The following ASTN1 variants were observed in gnomAD, a reference collection of about 807,000 sequenced individuals.
ASTN1 encodes astrotactin-1.
ASTN1 carries 41 observed loss-of-function variants against 140.7 expected under a neutral mutation model. The ratio of observed to expected loss-of-function variants is 0.29; its 90% confidence interval spans 0.23 to 0.38. The LOEUF (loss-of-function observed/expected upper bound fraction) is 0.38. Ranked by LOEUF, ASTN1 falls within the 10% of genes least tolerant of loss-of-function variation. The probability of loss-of-function intolerance (pLI) is 1.00; values close to 1 mark genes in which losing one functional copy is unlikely to be tolerated. For synonymous variants in ASTN1, 640 were observed against 652.2 expected (o/e 0.98, Z 0.29); for missense variants, 1,479 against 1,678.8 (o/e 0.88, Z 2.08).
chr1:177,146,614 T>C (rs1391304732), intron 1 of ASTN1, among the ~76,000 whole-genome samples: 1 of 152,188 alleles, frequency 6.6e-6, no homozygotes, highest in African/African-American at 2.4e-5. Flanking sequence ...CATTACTGAT[T>C]TCATCAGAAA....
At chr1:177,122,103 CCTA>C (rs1390192342) in intron 1 of ASTN1, among the ~76,000 whole-genome samples, 1 of 152,114 alleles carries the variant, frequency 6.6e-6, no homozygotes, top group African/African-American at 2.4e-5. Context: ...CGATGGGGAC[CCTA>C]CTGTTACCTG....
chr1:177,134,880 C>T (rs766700545), intron 1 of ASTN1, among the ~76,000 whole-genome samples: 8 of 152,054 alleles, frequency 5.3e-5, no homozygotes, highest in Non-Finnish European at 1.0e-4. Flanking sequence ...TCCAAAGCTA[C>T]CCATTTTGGT....
chr1:176,971,252 T>C (rs1673127910), intron 8 of ASTN1, among the ~76,000 whole-genome samples: 1 of 152,144 alleles, frequency 6.6e-6, no homozygotes, highest in Non-Finnish European at 1.5e-5. Context: ...GCTATGCAAT[T>C]GGCTGAACCA....
At chr1:177,138,799 A>G (rs534653848) in intron 1 of ASTN1, among the ~76,000 whole-genome samples, 16 of 152,290 alleles carry the variant, frequency 1.1e-4, no homozygotes, top group South Asian at 1.0e-3. Context: ...GCCTGGGTGG[A>G]TCTTATTGGT....
intron 1 of ASTN1, among the ~76,000 whole-genome samples, chr1:177,148,222 T>C (rs983690406): frequency 3.0e-4 from 45 of 152,078 alleles, no homozygotes; most frequent in African/African-American, 1.0e-3. Flanking sequence ...ATCAAGACCA[T>C]CCTGGCTAAC....
chr1:177,076,451 CAGTCATTTGAGGAAGGATGGGAA>C (rs1678917583), intron 1 of ASTN1, among the ~76,000 whole-genome samples: 2 of 151,662 alleles, frequency 1.3e-5, no homozygotes, highest in Admixed American at 1.3e-4. Context: ...AATGAAGGGC[CAGTCATTTGAGGAAGGATGGGAA>C]AAGAAAAGAC....
rs1012186078 is a variant in ASTN1 at position 176,869,092 on chromosome 1, CATT to C, written c.3464-68_3464-66del. 40 of 1,109,588 alleles carry C rather than the reference CATT, an allele frequency of 3.6e-5. No homozygotes were observed. The African/African-American group carries it at 5.7e-4, about 16-fold the overall frequency. The allele number at this position is 1,109,588 out of a possible 1,614,324, so 68.7% of individuals were successfully genotyped here. On this transcript the variant is annotated intron_variant, in intron 21 of 22. Transcript: ENST00000361833. ...ATATAATAATGTATATATATACACACATTATATATGATCTATATCATATAGACA... is the reference window on the plus strand; with the variant it reads ...ATATAATAATGTATATATATACACACATATATGATCTATATCATATAGACA...
intron 8 of ASTN1, among the ~76,000 whole-genome samples, chr1:176,973,992 C>T (rs1453141859): frequency 6.6e-6 from 1 of 152,156 alleles, no homozygotes; most frequent in East Asian, 1.9e-4. Context: ...TCCTGAAGTA[C>T]AGTATATGCC....
intron 7 of ASTN1, among the ~76,000 whole-genome samples, chr1:177,016,979 C>T (rs991114685): frequency 8.5e-5 from 13 of 152,184 alleles, no homozygotes; most frequent in African/African-American, 2.7e-4. Context: ...AGAATGGTCT[C>T]GGCTAGACGC....
intron 8 of ASTN1, among the ~76,000 whole-genome samples, chr1:176,998,135 T>C (rs1405940850): frequency 6.6e-6 from 1 of 152,140 alleles, no homozygotes; most frequent in Non-Finnish European, 1.5e-5. Flanking sequence ...GCCAGACTAT[T>C]AGGGTCACTC....
At chr1:176,891,560 G>A (rs985176541) in intron 17 of ASTN1, among the ~76,000 whole-genome samples, 1 of 152,202 alleles carries the variant, frequency 6.6e-6, no homozygotes, top group Non-Finnish European at 1.5e-5. Flanking sequence ...TTCGGAGGTC[G>A]AGGCTGGCGG....
chr1:177,102,583 T>C (rs140006552), intron 1 of ASTN1, among the ~76,000 whole-genome samples: 5 of 152,226 alleles, frequency 3.3e-5, no homozygotes, highest in Non-Finnish European at 7.4e-5. Flanking sequence ...TCTTTCCTAA[T>C]AAAATAAAAC....
At chr1:177,098,175 G>A (rs1680119838) in intron 1 of ASTN1, among the ~76,000 whole-genome samples, 1 of 152,138 alleles carries the variant, frequency 6.6e-6, no homozygotes, top group African/African-American at 2.4e-5. Context: ...ATTGGCGTCT[G>A]AAGGGGGAGC....
At chr1:177,144,289 A>G (rs149568485) in intron 1 of ASTN1, among the ~76,000 whole-genome samples, 4,228 of 148,126 alleles carry the variant, frequency 0.029, 80 homozygotes, top group Admixed American at 0.038. Context: ...GTCTTGCTCT[A>G]TCGCCCAGGC....
chr1:176,996,130 T>C (rs948447983), intron 8 of ASTN1, among the ~76,000 whole-genome samples: 3 of 152,112 alleles, frequency 2.0e-5, no homozygotes, highest in African/African-American at 7.2e-5. Context: ...GTCTAAGTAA[T>C]GGCTTTGTTA....
chr1:176,936,048 T>C, intron 15 of ASTN1: 2 of 619,232 alleles, frequency 3.2e-6, no homozygotes, highest in Non-Finnish European at 5.9e-6. Flanking sequence ...CTCTCTTCTG[T>C]AGTCCAAGAT....
intron 16 of ASTN1, among the ~76,000 whole-genome samples, 194 bp downstream of exon 16, chr1:176,933,958 T>G (rs1557970695): frequency 6.6e-6 from 1 of 152,172 alleles, no homozygotes; most frequent in Non-Finnish European, 1.5e-5. Flanking sequence ...GCATCTAAAA[T>G]TCCCTAAACA....
intron 8 of ASTN1, among the ~76,000 whole-genome samples, chr1:176,998,622 C>T (rs1674568368): frequency 6.6e-6 from 1 of 152,130 alleles, no homozygotes; most frequent in Non-Finnish European, 1.5e-5. Context: ...ATCAGAACAC[C>T]AGGTGGAGGG....
At chr1:177,009,998 C>A (rs1675209339) in intron 8 of ASTN1, among the ~76,000 whole-genome samples, 1 of 152,140 alleles carries the variant, frequency 6.6e-6, no homozygotes, top group South Asian at 2.1e-4. Flanking sequence ...TAATTGTAAT[C>A]TTCTGAAAAT....
Sources: gnomAD v4.1 joint callset for allele counts (sites outside exome capture counted in the v4.1 genomes callset) on GRCh38, gnomAD v4.1.1 for gene constraint, MANE v1.5 for transcripts, NCBI Gene and HGNC (gene_info 2026-07-23, HGNC 2026-07-21) for gene names.